The following GAREM1 variants were observed in gnomAD, a reference collection of about 807,000 sequenced individuals.
GAREM1 encodes GRB2-associated and regulator of MAPK protein 1.
Under a neutral mutation model 71.3 loss-of-function variants are expected in GAREM1, and 26 were observed. That is an observed-to-expected ratio of 0.36 (90% CI 0.27 to 0.51). GAREM1 has a LOEUF of 0.51. Among genes scored for constraint, GAREM1 ranks in the 20% least tolerant of loss-of-function variants. GAREM1 has a pLI of 0.95. For synonymous variants in GAREM1, 440 were observed against 433.2 expected, an observed-to-expected ratio of 1.02 and a Z score of -0.20; for missense variants, 1,026 against 1,103.1, an observed-to-expected ratio of 0.93 and a Z score of 0.99.
At chr18:32,288,234 A>T (rs778332740) in intron 3 of GAREM1, 31 bp from the exon 4 acceptor site, 13 of 1,521,792 alleles carry the variant, frequency 8.5e-6, no homozygotes, top group Non-Finnish European at 1.1e-5. Context: ...TTTTACGTTC[A>T]TTTCCTTTGA....
intron 2 of GAREM1, among the ~76,000 whole-genome samples, chr18:32,364,029 T>TATATATATATATATATATATATA (rs1491185711): frequency 1.7e-4 from 7 of 41,164 alleles, no homozygotes; most frequent in Admixed American, 4.8e-4. Context: ...TATATATATG[T>TATATATATATATATATATATATA]TTTTTTTTTT....
intron 3 of GAREM1, among the ~76,000 whole-genome samples, chr18:32,299,173 A>C (rs2047173055): frequency 6.6e-6 from 1 of 151,994 alleles, no homozygotes; most frequent in African/African-American, 2.4e-5. Context: ...ATGACATCTG[A>C]CTCACCCTAA....
intron 2 of GAREM1, among the ~76,000 whole-genome samples, chr18:32,354,598 A>G (rs1276684646): frequency 1.3e-5 from 2 of 152,314 alleles, no homozygotes; most frequent in African/African-American, 4.8e-5. Flanking sequence ...TCTCCGCAAA[A>G]GCAAAATTGA....
chr18:32,378,061 CGCGG>C (rs774020197), intron 2 of GAREM1, among the ~76,000 whole-genome samples: 5,885 of 131,020 alleles, frequency 0.045, 180 homozygotes, highest in African/African-American at 0.061. Flanking sequence ...TGTGTGTGCG[CGCGG>C]GCGCTTTGGA....
intron 3 of GAREM1, among the ~76,000 whole-genome samples, chr18:32,292,342 T>C (rs1001362408): frequency 6.6e-6 from 1 of 152,230 alleles, no homozygotes; most frequent in African/African-American, 2.4e-5. Context: ...ATGGGGTTGT[T>C]TTTTTCTTGT....
chr18:32,414,623 G>A (rs1270966268), intron 1 of GAREM1, among the ~76,000 whole-genome samples: 1 of 151,964 alleles, frequency 6.6e-6, no homozygotes, highest in Admixed American at 6.6e-5. Context: ...AGTGACCAAT[G>A]GGTCAATGAA....
At chr18:32,468,164 C>T (rs1226510201) in intron 1 of GAREM1, among the ~76,000 whole-genome samples, 1 of 152,166 alleles carries the variant, frequency 6.6e-6, no homozygotes, top group Non-Finnish European at 1.5e-5. Context: ...CATGCTTGTT[C>T]AGCAAAGTAG....
chr18:32,435,529 T>G (rs2048667636), intron 1 of GAREM1, among the ~76,000 whole-genome samples: 1 of 152,064 alleles, frequency 6.6e-6, no homozygotes, highest in East Asian at 1.9e-4. Context: ...AGAACATCAT[T>G]GGTAGATTTT....
In GAREM1 at chr18:32,284,751, ACTT is replaced by A. The variant is rs1228350430; in HGVS notation, c.1566+2277_1566+2279del. 2.4e-4 allele frequency among the ~76,000 whole-genome samples: 30 copies of A among 123,090 alleles called. No individual in the cohort carries two copies. The Middle Eastern group carries it at 0.012, about 48-fold the overall frequency. The allele number at this position is 123,090 out of a possible 152,430, so 80.8% of individuals were successfully genotyped here. A position where few individuals can be genotyped will look rare whatever the true frequency, so the allele number is the denominator to read the frequency against. On this transcript the variant is annotated intron_variant, in intron 4 of 5. Transcript: ENST00000269209. ...TACTTGTTTGGAGGGGTGCCCCCTT[ACTT>A]TTTTTTTTTTTTTTTGAGACAGTCT...
intron 2 of GAREM1, among the ~76,000 whole-genome samples, chr18:32,383,240 C>T (rs1379109549): frequency 1.3e-5 from 2 of 152,180 alleles, no homozygotes; most frequent in African/African-American, 4.8e-5. Context: ...CCTCTTGCTC[C>T]AGATATCAGA....
intron 1 of GAREM1, among the ~76,000 whole-genome samples, chr18:32,430,809 C>A (rs1361598437): frequency 6.6e-6 from 1 of 152,214 alleles, no homozygotes; most frequent in African/African-American, 2.4e-5. Context: ...GGGCAAATAA[C>A]TGTTGCTTTT....
intron 2 of GAREM1, among the ~76,000 whole-genome samples, chr18:32,383,164 A>G (rs775200947): frequency 3.5e-4 from 54 of 152,202 alleles, no homozygotes; most frequent in Non-Finnish European, 6.8e-4. Context: ...CAGTTCTAAC[A>G]TGTTGGAGGC....
chr18:32,349,865 A>C (rs944440637), intron 2 of GAREM1, among the ~76,000 whole-genome samples: 3 of 152,206 alleles, frequency 2.0e-5, no homozygotes, highest in African/African-American at 7.2e-5. Flanking sequence ...TCCAATCCTG[A>C]AACTTCAGTG....
chr18:32,467,236 G>A (rs61438236), intron 1 of GAREM1, among the ~76,000 whole-genome samples: 16,137 of 152,118 alleles, frequency 0.11, 1,064 homozygotes, highest in Middle Eastern at 0.18. Flanking sequence ...GCAGAAAGTT[G>A]TATGTATGAT....
chr18:32,344,829 A>C (rs2047678884), intron 2 of GAREM1, among the ~76,000 whole-genome samples: 1 of 152,228 alleles, frequency 6.6e-6, no homozygotes, highest in Non-Finnish European at 1.5e-5. Flanking sequence ...CAGGAGGCCA[A>C]GGCGGGCAGA....
Position 32,287,958 on chromosome 18 carries a change from G to A in GAREM1, c.639C>T (p.Phe213=). The A allele has an allele frequency of 6.2e-7, 1 of 1,614,098 alleles. No homozygotes were observed. The highest frequency in any genetic ancestry group is 8.5e-7 in the Non-Finnish European group (1 of 1,180,026). ...GGGTGCTAAATCTGCCCTTGCACTG[G>A]AATGGAAGGCTAATGCTTTCGTTGG... ...HRTNESISLP[F]QCKGRFSTRS... The change falls in exon 4 of 6, where the codon TTC becomes TTT. Residue 213 remains phenylalanine, a synonymous_variant. Coordinates refer to ENST00000269209, the MANE Select transcript of GAREM1 (RefSeq NM_001242409.2). This position sits in a 1 kb window ranked among gnomAD's most constrained non-coding sequence, Gnocchi z 5.9.
chr18:32,398,070 T>C (rs1231033310), intron 1 of GAREM1, among the ~76,000 whole-genome samples: 1 of 152,116 alleles, frequency 6.6e-6, no homozygotes, highest in African/African-American at 2.4e-5. Context: ...GACTACTGGG[T>C]ACATAACAAA....
At chr18:32,315,522 T>A (rs1044140929) in intron 2 of GAREM1, among the ~76,000 whole-genome samples, 3 of 147,222 alleles carry the variant, frequency 2.0e-5, no homozygotes, top group African/African-American at 7.4e-5. Flanking sequence ...TATATAAAAA[T>A]ATATATAAAA....
chr18:32,380,710 G>C (rs2048088323), intron 2 of GAREM1, among the ~76,000 whole-genome samples: 1 of 152,026 alleles, frequency 6.6e-6, no homozygotes, highest in South Asian at 2.1e-4. Context: ...AACTTCCTTG[G>C]CTTCTGCCCA....
Sources: gnomAD v4.1 joint callset for allele counts (sites outside exome capture counted in the v4.1 genomes callset) on GRCh38, gnomAD v4.1.1 for gene constraint, Gnocchi (gnomAD v3.1) non-coding constraint, MANE v1.5 for transcripts, NCBI Gene and HGNC (gene_info 2026-07-23, HGNC 2026-07-21) for gene names.